The following ARL13B variants were observed in gnomAD, a reference collection of about 807,000 sequenced individuals.
ARL13B encodes ADP-ribosylation factor-like protein 13B.
ARL13B carries 36 observed loss-of-function variants against 56.1 expected under a neutral mutation model. The observed-to-expected ratio is 0.64, with a 90% CI of 0.49 to 0.85. The LOEUF is 0.85. ARL13B is among the 40% of genes least tolerant of loss of function. The pLI, the probability that ARL13B is intolerant of heterozygous loss-of-function variation, is 0.00. For synonymous variants in ARL13B, 178 were observed against 171.1 expected (o/e 1.04, Z -0.32); for missense variants, 519 against 507.1 (o/e 1.02, Z -0.23).
chr3:93,993,680 C>T (rs1376137465), intron 1 of ARL13B, among the ~76,000 whole-genome samples: 1 of 152,086 alleles, frequency 6.6e-6, no homozygotes, highest in Non-Finnish European at 1.5e-5. Context: ...AAATCTTGTT[C>T]TTTGATATTT....
intron 4 of ARL13B, 82 bp downstream of exon 4, chr3:94,035,518 TAGCAATTA>T (rs2076753460): frequency 2.1e-6 from 2 of 969,304 alleles, no homozygotes; most frequent in Non-Finnish European, 3.1e-6. Context: ...ATAAAAGTGA[TAGCAATTA>T]AAAGGCAATG....
intron 7 of ARL13B, among the ~76,000 whole-genome samples, chr3:94,045,101 A>G (rs1301317849): frequency 6.6e-6 from 1 of 152,226 alleles, no homozygotes; most frequent in Non-Finnish European, 1.5e-5. Context: ...TTCTGTACTA[A>G]GAAAAATTCT....
chr3:94,024,313 G>A (rs2076510948), intron 3 of ARL13B, among the ~76,000 whole-genome samples: 1 of 152,132 alleles, frequency 6.6e-6, no homozygotes, highest in Non-Finnish European at 1.5e-5. Context: ...TGTAAATATA[G>A]GGAAAAAGAA....
chr3:94,045,987 A>G (rs1210231691), intron 7 of ARL13B, among the ~76,000 whole-genome samples: 2 of 151,392 alleles, frequency 1.3e-5, no homozygotes, highest in East Asian at 3.9e-4. Flanking sequence ...AAGACATACT[A>G]TAAAATAAAA....
In ARL13B at chr3:94,054,958, G is replaced by A. The variant is rs2107216197; in HGVS notation, c.*1695G>A. The A allele has an allele frequency of 3.6e-6, 1 of 279,722 alleles. No individual in the cohort carries two copies. Among genetic ancestry groups the A allele is most frequent in the South Asian group, 3.3e-5 (1 of 30,074 alleles). The allele number at this position is 279,722 out of a possible 1,614,324, so 17.3% of individuals were successfully genotyped here. A position where few individuals can be genotyped will look rare whatever the true frequency, so the allele number is the denominator to read the frequency against. ...ATTTTAAAACTAAACTCATACTTTT[G>A]CTATCTTTTTAATATTTATCTCGTT... On this transcript the variant is annotated 3_prime_UTR_variant, in exon 10 of 10. Coordinates refer to ENST00000394222, the MANE Select transcript of ARL13B (RefSeq NM_001174150.2).
chr3:94,020,442 G>A (rs910064950), intron 3 of ARL13B, among the ~76,000 whole-genome samples: 4 of 152,164 alleles, frequency 2.6e-5, no homozygotes, highest in African/African-American at 7.2e-5. Context: ...CTCTTTATAC[G>A]ACAGTATAGC....
chr3:94,029,338 A>ATTTATTT (rs2076627098), intron 3 of ARL13B, among the ~76,000 whole-genome samples: 2 of 59,028 alleles, frequency 3.4e-5, no homozygotes, highest in African/African-American at 1.3e-4. Context: ...ATATATATTT[A>ATTTATTT]TTTTTTTTTT....
At chr3:93,987,005 A>G (rs1710502798) in intron 1 of ARL13B, among the ~76,000 whole-genome samples, 2 of 152,240 alleles carry the variant, frequency 1.3e-5, no homozygotes, top group South Asian at 4.1e-4. Flanking sequence ...TCTAATTATC[A>G]TATTGAAAGT....
intron 1 of ARL13B, among the ~76,000 whole-genome samples, chr3:93,995,365 A>T (rs1472930015): frequency 1.3e-5 from 2 of 151,910 alleles, no homozygotes; most frequent in Non-Finnish European, 2.9e-5. Flanking sequence ...CATGAGAAAT[A>T]TTTTAAACTT....
At chr3:94,006,169 CCTG>C (rs2076131408) in intron 3 of ARL13B, among the ~76,000 whole-genome samples, 1 of 152,052 alleles carries the variant, frequency 6.6e-6, no homozygotes, top group South Asian at 2.1e-4. Flanking sequence ...GGCATGCGCG[CCTG>C]TAGTCCCAGC....
rs1402272113 is a variant in ARL13B at position 94,031,549 on chromosome 3, G to A, written c.381-3782G>A. Among the ~76,000 whole-genome samples the A allele has an allele frequency of 3.3e-5, 5 of 152,260 alleles. No individual in the cohort carries two copies. The East Asian group carries it at 9.7e-4, about 29-fold the overall frequency. On this transcript the variant is annotated intron_variant, in intron 3 of 9. Coordinates refer to ENST00000394222, the MANE Select transcript of ARL13B (RefSeq NM_001174150.2). ...AAGAGCCAACCTGAAGGGGACTCCT[G>A]CTGCCTCAAAATGGGTACCTTTGAG...
intron 3 of ARL13B, among the ~76,000 whole-genome samples, chr3:94,023,892 A>T (rs962281638): frequency 6.6e-6 from 1 of 152,204 alleles, no homozygotes; most frequent in African/African-American, 2.4e-5. Flanking sequence ...TTGAAGCTTT[A>T]TTAGGATCTT....
At position 94,039,932 on chromosome 3, in the gene ARL13B, G is replaced by C; in HGVS notation, c.742G>C (p.Glu248Gln). 6.2e-7 allele frequency: 1 copy of C among 1,614,120 alleles called. No individual in the cohort carries two copies. The highest frequency in any genetic ancestry group is 8.5e-7 in the Non-Finnish European group (1 of 1,180,008). ...AELDGTSGLA[E>Q]LDPEPTNPFQ... ...ACTCGATGGAACCAGTGGTCTGGCTGAGTTGGACCCAGAACCAACGAATCC... is the reference window on the plus strand; with the variant it reads ...ACTCGATGGAACCAGTGGTCTGGCTCAGTTGGACCCAGAACCAACGAATCC... The change falls in exon 6 of 10, where the codon GAG becomes CAG. Residue 248 changes from glutamate (E) to glutamine (Q), a missense_variant. Coordinates refer to ENST00000394222, the MANE Select transcript of ARL13B (RefSeq NM_001174150.2).
chr3:93,985,651 T>C (rs919951483), intron 1 of ARL13B, among the ~76,000 whole-genome samples: 2 of 152,232 alleles, frequency 1.3e-5, no homozygotes, highest in African/African-American at 4.8e-5. Flanking sequence ...GCCTGCCAGG[T>C]TTTATAAATA....
intron 3 of ARL13B, among the ~76,000 whole-genome samples, chr3:94,011,705 C>G (rs1439109665): frequency 6.6e-6 from 1 of 152,082 alleles, no homozygotes; most frequent in Non-Finnish European, 1.5e-5. Context: ...GAGTTTCTCT[C>G]TCTGGATCTT....
intron 3 of ARL13B, among the ~76,000 whole-genome samples, chr3:94,031,135 T>C (rs976069915): frequency 1.3e-5 from 2 of 152,194 alleles, no homozygotes; most frequent in Non-Finnish European, 2.9e-5. Flanking sequence ...GAGGCTGTAG[T>C]GAGCTGTTGT....
At chr3:94,033,404 T>G (rs1482142347) in intron 3 of ARL13B, among the ~76,000 whole-genome samples, 1 of 152,116 alleles carries the variant, frequency 6.6e-6, no homozygotes, top group Admixed American at 6.5e-5. Context: ...TAAATCAACC[T>G]GATCACCTTC....
At chr3:93,997,097 C>T (rs1460142036) in intron 2 of ARL13B, among the ~76,000 whole-genome samples, 3 of 151,780 alleles carry the variant, frequency 2.0e-5, no homozygotes, top group Non-Finnish European at 2.9e-5. Context: ...CATCTAGTTG[C>T]AGGAAAACAA....
intron 4 of ARL13B, among the ~76,000 whole-genome samples, 166 bp from the exon 5 acceptor site, chr3:94,036,386 A>T (rs1470441287): frequency 6.6e-6 from 1 of 152,178 alleles, no homozygotes; most frequent in Non-Finnish European, 1.5e-5. Context: ...CTATATACTG[A>T]TGTTAATCAT....
Sources: gnomAD v4.1 joint callset for allele counts (sites outside exome capture counted in the v4.1 genomes callset) on GRCh38, gnomAD v4.1.1 for gene constraint, MANE v1.5 for transcripts, NCBI Gene and HGNC (gene_info 2026-07-23, HGNC 2026-07-21) for gene names.